Variants in AUTS2 observed in about 807,000 individuals in gnomAD.
AUTS2 encodes the protein activator of transcription and developmental regulator AUTS2.
A neutral mutation model predicts 112.4 loss-of-function variants in AUTS2; 17 were observed. The ratio of observed to expected loss-of-function variants is 0.15; its 90% CI spans 0.10 to 0.23. The LOEUF (loss-of-function observed/expected upper bound fraction) is 0.23. AUTS2 is among the 10% of genes least tolerant of loss of function. The pLI, the probability that AUTS2 is intolerant of heterozygous loss-of-function variation, is 1.00. For missense variants in AUTS2, 1,510 were observed against 1,701.6 expected, an observed-to-expected ratio of 0.89 and a Z score of 1.98; for synonymous variants, 751 against 702.7, an observed-to-expected ratio of 1.07 and a Z score of -1.09.
chr7:69,796,529 A>G lies in AUTS2; in HGVS notation c.310-102757A>G, dbSNP rs748726093. Among the ~76,000 whole-genome samples, 494 of 152,074 alleles carry G rather than the reference A, an allele frequency of 3.2e-3. 4 individuals carry two copies. The highest frequency in any genetic ancestry group is 3.8e-3 in the Non-Finnish European group (259 of 67,950). On this transcript the variant is annotated intron_variant, in intron 1 of 18. Coordinates refer to ENST00000342771, the MANE Select transcript of AUTS2 (RefSeq NM_015570.4). ...CAGAGTGAGACTCTGTTTCCAAAAAAAAAAAAAAAGAAAAGAAAATAGGGA... is the reference window on the plus strand; with the variant it reads ...CAGAGTGAGACTCTGTTTCCAAAAAGAAAAAAAAAGAAAAGAAAATAGGGA...
chr7:70,238,585 G>C (rs1812446090), intron 4 of AUTS2, among the ~76,000 whole-genome samples: 1 of 152,080 alleles, frequency 6.6e-6, no homozygotes, highest in Non-Finnish European at 1.5e-5. Context: ...AGGCTACTTT[G>C]AGCACCACTG....
chr7:70,322,667 G>A (rs966976208), intron 4 of AUTS2, among the ~76,000 whole-genome samples: 11 of 152,130 alleles, frequency 7.2e-5, no homozygotes, highest in Admixed American at 2.6e-4. Context: ...TTTTTTGTTT[G>A]TTTGTTTTTT....
chr7:70,651,724 CG>C (rs1302977461), intron 5 of AUTS2, among the ~76,000 whole-genome samples: 2 of 152,066 alleles, frequency 1.3e-5, no homozygotes, highest in Non-Finnish European at 2.9e-5. Context: ...GCTGAGCCAT[CG>C]GAAGTTAGGG....
intron 5 of AUTS2, among the ~76,000 whole-genome samples, chr7:70,632,169 CA>C: frequency 6.6e-6 from 1 of 152,120 alleles, no homozygotes; most frequent in Non-Finnish European, 1.5e-5. Context: ...AGATCCTGGA[CA>C]GGGGTGATTC....
At chr7:70,469,694 G>A (rs1258704203) in intron 5 of AUTS2, among the ~76,000 whole-genome samples, 1 of 152,202 alleles carries the variant, frequency 6.6e-6, no homozygotes, top group Non-Finnish European at 1.5e-5. Flanking sequence ...CGCCTGCAGT[G>A]CAGAAATGTG....
intron 4 of AUTS2, among the ~76,000 whole-genome samples, chr7:70,326,904 G>A (rs763728601): frequency 4.7e-4 from 67 of 143,818 alleles, no homozygotes; most frequent in Non-Finnish European, 8.2e-4. Flanking sequence ...TGGCATGAAA[G>A]GTATGCTTGG....
At chr7:69,743,928 G>T (rs1787373449) in intron 1 of AUTS2, among the ~76,000 whole-genome samples, 1 of 152,090 alleles carries the variant, frequency 6.6e-6, no homozygotes, top group Non-Finnish European at 1.5e-5. Flanking sequence ...CTCCTGAGTA[G>T]CTGGGACTGT....
intron 1 of AUTS2, among the ~76,000 whole-genome samples, chr7:69,602,423 A>G (rs1310570567): frequency 1.3e-5 from 2 of 152,204 alleles, no homozygotes; most frequent in East Asian, 1.9e-4. Context: ...AACTTTTAAA[A>G]AAGTTTACTT....
chr7:70,290,261 A>G (rs969348920), intron 4 of AUTS2: 9 of 1,180,588 alleles, frequency 7.6e-6, no homozygotes, highest in African/African-American at 1.6e-5. Context: ...TCCCAATTTT[A>G]TAAAACAAAT....
chr7:70,634,585 C>G (rs943212481), intron 5 of AUTS2, among the ~76,000 whole-genome samples: 1 of 152,148 alleles, frequency 6.6e-6, no homozygotes, highest in Admixed American at 6.5e-5. Context: ...TTCGGTACAT[C>G]ATTCTCTCCA....
At chr7:70,577,952 T>A (rs1802248771) in intron 5 of AUTS2, among the ~76,000 whole-genome samples, 1 of 152,134 alleles carries the variant, frequency 6.6e-6, no homozygotes, top group Non-Finnish European at 1.5e-5. Context: ...TGCCTCAGCC[T>A]CCTGAGTAGC....
intron 5 of AUTS2, among the ~76,000 whole-genome samples, chr7:70,643,187 C>T (rs1249974336): frequency 1.3e-5 from 2 of 152,208 alleles, no homozygotes; most frequent in African/African-American, 4.8e-5. Flanking sequence ...TGGACTATGT[C>T]TCCATCCCAG....
Position 70,791,056 on chromosome 7 carries a change from T to G in AUTS2, c.*60T>G. 7.0e-7 allele frequency: 1 copy of G among 1,420,536 alleles called. No individual in the cohort carries two copies. Among genetic ancestry groups the G allele is most frequent in the Non-Finnish European group, 9.2e-7 (1 of 1,091,124 alleles). The allele number at this position is 1,420,536 out of a possible 1,614,324, so 88.0% of individuals were successfully genotyped here. A position where few individuals can be genotyped will look rare whatever the true frequency, so the allele number is the denominator to read the frequency against. On this transcript the variant is annotated 3_prime_UTR_variant, in exon 19 of 19. Transcript: ENST00000342771. ...CCCTAGGCAGACACCAGGCCAGGCT[T>G]GAGAGACAGAACTCCTGCATGGCTC...
In AUTS2 at chr7:69,991,404, C is replaced by T. The variant is rs1409442196; in HGVS notation, c.522+91906C>T. Among the ~76,000 whole-genome samples the T allele has an allele frequency of 4.6e-5, 7 of 152,248 alleles. No homozygotes were observed. The East Asian group carries it at 1.4e-3, about 29-fold the overall frequency. The stretch of plus-strand genomic sequence containing the variant: ...GCTGTGATCCATAGGACTGTCCTGT[C>T]CATCCTGGTGTTCTCTCAGAATCAG... On this transcript the variant is annotated intron_variant, in intron 2 of 18. Transcript: ENST00000342771.
chr7:70,728,110 G>C (rs181062014), intron 6 of AUTS2, among the ~76,000 whole-genome samples: 2 of 152,250 alleles, frequency 1.3e-5, no homozygotes, highest in African/African-American at 4.8e-5. Flanking sequence ...TGTTTTCTCA[G>C]ATCCCAACAG....
chr7:70,103,751 C>CA (rs1000720815), intron 2 of AUTS2, among the ~76,000 whole-genome samples: 58 of 149,884 alleles, frequency 3.9e-4, no homozygotes, highest in Non-Finnish European at 6.7e-4. Context: ...ACTAAAGATA[C>CA]AAAAAAAAAT....
intron 2 of AUTS2, among the ~76,000 whole-genome samples, chr7:69,954,031 C>T (rs1797126163): frequency 6.6e-6 from 1 of 152,056 alleles, no homozygotes; most frequent in Non-Finnish European, 1.5e-5. Flanking sequence ...CTCCATTCTT[C>T]CCCACCCCGT....
intron 2 of AUTS2, among the ~76,000 whole-genome samples, chr7:70,060,388 T>C (rs1802187747): frequency 6.6e-6 from 1 of 152,088 alleles, no homozygotes; most frequent in Non-Finnish European, 1.5e-5. Flanking sequence ...AGCCTCAGCT[T>C]TACTTGGGAA....
In AUTS2 at chr7:69,602,086, GTGTGTGTA is replaced by G. The variant is rs1156921392; in HGVS notation, c.309+2126_309+2133del. Reference sequence around the variant, plus strand: ...TGTGTGTGTGTGTGTGTGTGTGTGTGTGTGTGTATATCTCACTTATGCAGTTCTTTTTG... The same window carrying G: ...TGTGTGTGTGTGTGTGTGTGTGTGTGTATCTCACTTATGCAGTTCTTTTTG... On this transcript the variant is annotated intron_variant, in intron 1 of 18. Transcript: ENST00000342771. Among the ~76,000 whole-genome samples the G allele has an allele frequency of 2.5e-3, 279 of 110,752 alleles. 1 individual carries two copies. The highest frequency in any genetic ancestry group is 4.6e-3 in the Middle Eastern group (1 of 216). 72.7% of individuals were successfully genotyped at this position (110,752 alleles called of 152,430 possible). A position where few individuals can be genotyped will look rare whatever the true frequency, so the allele number is the denominator to read the frequency against.
Sources: gnomAD v4.1 joint callset for allele counts (sites outside exome capture counted in the v4.1 genomes callset) on GRCh38, gnomAD v4.1.1 for gene constraint, MANE v1.5 for transcripts, NCBI Gene and HGNC (gene_info 2026-07-23, HGNC 2026-07-21) for gene names.